The following NKAIN3 variants were observed in gnomAD, a reference collection of about 807,000 sequenced individuals.
NKAIN3 encodes sodium/potassium transporting ATPase interacting 3, also known as sodium/potassium-transporting ATPase subunit beta-1-interacting protein 3.
Under a neutral mutation model 30.2 loss-of-function variants are expected in NKAIN3, and 25 were observed. The ratio of observed to expected loss-of-function variants is 0.83; its 90% CI spans 0.60 to 1.16. NKAIN3 has a LOEUF of 1.16. Ranked by LOEUF, NKAIN3 falls within the 50% of genes most tolerant of loss-of-function variation. The pLI is 0.00. For synonymous variants in NKAIN3, 91 were observed against 89.6 expected (o/e 1.02, Z -0.09); for missense variants, 225 against 254.1 (o/e 0.89, Z 0.78).
At chr8:62,330,226 G>T (rs892422876) in intron 1 of NKAIN3, among the ~76,000 whole-genome samples, 2 of 151,934 alleles carry the variant, frequency 1.3e-5, no homozygotes. Context: ...TAATGAGGAT[G>T]GGGGGGTGAG....
chr8:62,786,421 A>G (rs192763615), intron 4 of NKAIN3, among the ~76,000 whole-genome samples: 1 of 151,792 alleles, frequency 6.6e-6, no homozygotes, highest in Middle Eastern at 3.4e-3. Flanking sequence ...ACCCTGCCCC[A>G]CTCCTGTACT....
intron 3 of NKAIN3, among the ~76,000 whole-genome samples, chr8:62,724,654 A>AT (rs1189403795): frequency 2.0e-5 from 3 of 151,830 alleles, no homozygotes; most frequent in Admixed American, 6.6e-5. Context: ...TGCCTGGCTT[A>AT]TTTTTTTTAA....
At chr8:62,375,921 T>A (rs2129593630) in intron 1 of NKAIN3, among the ~76,000 whole-genome samples, 1 of 152,344 alleles carries the variant, frequency 6.6e-6, no homozygotes, top group South Asian at 2.1e-4. Context: ...TATATTATAC[T>A]TGCTCTTGTT....
chr8:62,258,324 T>A (rs1244019904), intron 1 of NKAIN3, among the ~76,000 whole-genome samples: 1 of 152,184 alleles, frequency 6.6e-6, no homozygotes, highest in Non-Finnish European at 1.5e-5. Context: ...TTTGTTTTCA[T>A]CAGGTGAAGA....
At chr8:62,661,978 G>T (rs1016177194) in intron 3 of NKAIN3, among the ~76,000 whole-genome samples, 2 of 152,106 alleles carry the variant, frequency 1.3e-5, no homozygotes, top group African/African-American at 4.8e-5. Flanking sequence ...AAGGTCTCCA[G>T]GTCTTACTAG....
chr8:62,475,019 A>C (rs1806472897), intron 1 of NKAIN3, among the ~76,000 whole-genome samples: 1 of 152,206 alleles, frequency 6.6e-6, no homozygotes, highest in African/African-American at 2.4e-5. Flanking sequence ...TAATTTTAAA[A>C]GTCATAGCTA....
Position 62,747,110 on chromosome 8 carries a change from C to T in NKAIN3, c.452C>T (p.Ala151Val). The change falls in exon 4 of 7, where the codon GCT (alanine) becomes GTT (valine). Residue 151 changes from alanine (A) to valine (V), a missense_variant. Physicochemically the swap from Ala to Val is moderately conservative, Grantham distance 64. Coordinates refer to ENST00000623646, the MANE Select transcript of NKAIN3 (RefSeq NM_001304533.3). The stretch of plus-strand genomic sequence containing the variant: ...CAGTACCTGGAGGTCATCCACAGTG[C>T]TGTCCAAATACTACTCTCTGTAAGT... ...DFQYLEVIHS[A>V]VQILLSLVGF... 2 of 1,608,440 alleles carry T rather than the reference C, an allele frequency of 1.2e-6. No homozygotes were observed.
intron 1 of NKAIN3, among the ~76,000 whole-genome samples, chr8:62,429,027 T>A (rs1277784228): frequency 6.6e-6 from 1 of 151,968 alleles, no homozygotes; most frequent in Non-Finnish European, 1.5e-5. Context: ...CATAGGGGTC[T>A]AGCTTCATTC....
chr8:62,918,389 T>C, intron 4 of NKAIN3, 64 bp from the exon 5 acceptor site: 1 of 1,136,262 alleles, frequency 8.8e-7, no homozygotes, highest in Non-Finnish European at 1.3e-6. Flanking sequence ...TTAGATTATA[T>C]TGGCTCTTTA....
intron 1 of NKAIN3, among the ~76,000 whole-genome samples, chr8:62,521,652 ACAAAAAGAG>A (rs1313147195): frequency 1.3e-5 from 2 of 152,126 alleles, no homozygotes; most frequent in African/African-American, 2.4e-5. Flanking sequence ...TGAATCATGG[ACAAAAAGAG>A]CATCTTGGAT....
chr8:62,994,133 T>A (rs901801513), intron 5 of NKAIN3, among the ~76,000 whole-genome samples: 1 of 152,220 alleles, frequency 6.6e-6, no homozygotes, highest in Non-Finnish European at 1.5e-5. Flanking sequence ...CCTGCAGATA[T>A]ACCCACATAT....
chr8:62,352,146 A>G (rs1381048965), intron 1 of NKAIN3, among the ~76,000 whole-genome samples: 1 of 152,170 alleles, frequency 6.6e-6, no homozygotes, highest in African/African-American at 2.4e-5. Flanking sequence ...CCCAAATTAG[A>G]CTTAGGAGAG....
intron 1 of NKAIN3, among the ~76,000 whole-genome samples, chr8:62,496,453 G>A (rs1252448085): frequency 1.3e-5 from 2 of 152,130 alleles, no homozygotes; most frequent in Non-Finnish European, 2.9e-5. Context: ...ATCAGAGACT[G>A]AGAGAGCACC....
At chr8:62,422,186 T>C (rs912064373) in intron 1 of NKAIN3, among the ~76,000 whole-genome samples, 4 of 152,126 alleles carry the variant, frequency 2.6e-5, no homozygotes, top group Admixed American at 2.0e-4. Context: ...TTACTTTGAA[T>C]GTTGAGTGAA....
At chr8:62,530,882 T>G (rs1445811842) in intron 1 of NKAIN3, among the ~76,000 whole-genome samples, 1 of 152,028 alleles carries the variant, frequency 6.6e-6, no homozygotes, top group Non-Finnish European at 1.5e-5. Context: ...CGACCTCAGG[T>G]CATCTGCCCA....
chr8:62,422,890 G>T lies in NKAIN3; in HGVS notation c.55-156649G>T, dbSNP rs1027843248. Reference sequence around the variant, plus strand: ...AAGATAGTTTTTAAATTCGTGGTAGGCTGTCATAAGAAACAATCCCTTAAC... The same window carrying T: ...AAGATAGTTTTTAAATTCGTGGTAGTCTGTCATAAGAAACAATCCCTTAAC... On this transcript the variant is annotated intron_variant, in intron 1 of 6. Transcript: ENST00000623646. Among the ~76,000 whole-genome samples the T allele has an allele frequency of 2.6e-5, 4 of 152,004 alleles. No individual in the cohort carries two copies. The South Asian group carries it at 8.3e-4, about 32-fold the overall frequency.
intron 1 of NKAIN3, among the ~76,000 whole-genome samples, chr8:62,388,936 C>A (rs1018119131): frequency 2.6e-5 from 4 of 152,148 alleles, no homozygotes; most frequent in African/African-American, 9.7e-5. Context: ...CAGCCCAGTG[C>A]CTCACAGACC....
At chr8:62,871,000 A>G (rs978386253) in intron 4 of NKAIN3, among the ~76,000 whole-genome samples, 1 of 152,116 alleles carries the variant, frequency 6.6e-6, no homozygotes, top group Non-Finnish European at 1.5e-5. Context: ...TGACTGTTTC[A>G]GTCTTATTGA....
At chr8:62,298,897 A>T (rs1470343226) in intron 1 of NKAIN3, among the ~76,000 whole-genome samples, 2 of 150,352 alleles carry the variant, frequency 1.3e-5, no homozygotes, top group Admixed American at 1.3e-4. Flanking sequence ...TAATAGCCAT[A>T]CATTAATGAT....
Sources: gnomAD v4.1 joint callset for allele counts (sites outside exome capture counted in the v4.1 genomes callset) on GRCh38, gnomAD v4.1.1 for gene constraint, MANE v1.5 for transcripts, NCBI Gene and HGNC (gene_info 2026-07-23, HGNC 2026-07-21) for gene names.